The following AKAP13 variants were observed in gnomAD, a reference collection of about 807,000 sequenced individuals.
AKAP13 encodes the protein A-kinase anchoring protein 13.
A neutral mutation model predicts 264.5 loss-of-function variants in AKAP13; 80 were observed. That is an observed-to-expected ratio of 0.30 (90% CI 0.25 to 0.36). The LOEUF (loss-of-function observed/expected upper bound fraction) is 0.36. Among genes scored for constraint, AKAP13 ranks in the 10% least tolerant of loss-of-function variants. The probability of loss-of-function intolerance (pLI) is 1.00; values close to 1 mark genes in which losing one functional copy is unlikely to be tolerated. For synonymous variants in AKAP13, 1,380 were observed against 1,250.2 expected, an observed-to-expected ratio of 1.10 and a Z score of -2.19; for missense variants, 3,712 against 3,435.2, an observed-to-expected ratio of 1.08 and a Z score of -2.01.
intron 2 of AKAP13, among the ~76,000 whole-genome samples, chr15:85,493,088 AG>A (rs2075777460): frequency 6.6e-6 from 1 of 152,226 alleles, no homozygotes; most frequent in Non-Finnish European, 1.5e-5. Flanking sequence ...TATAGGCGAA[AG>A]GGCTAATGTC....
At chr15:85,392,343 C>T (rs183677525) in intron 1 of AKAP13, among the ~76,000 whole-genome samples, 111 of 148,280 alleles carry the variant, frequency 7.5e-4, no homozygotes, top group African/African-American at 2.7e-3. Context: ...CAACCTCTGC[C>T]TCCCAGGTTC....
chr15:85,460,924 C>G (rs1295925803), intron 1 of AKAP13, among the ~76,000 whole-genome samples: 1 of 150,500 alleles, frequency 6.6e-6, no homozygotes, highest in Non-Finnish European at 1.5e-5. Context: ...TCTCAGATTT[C>G]TAACCTACAG....
chr15:85,511,956 G>A (rs1194500860), intron 2 of AKAP13, among the ~76,000 whole-genome samples: 1 of 151,920 alleles, frequency 6.6e-6, no homozygotes, highest in African/African-American at 2.4e-5. Flanking sequence ...CTTAGGACGT[G>A]ACTGTGAGAG....
At chr15:85,668,643 AATTATTT>A (rs1357106212) in intron 13 of AKAP13, among the ~76,000 whole-genome samples, 1 of 152,186 alleles carries the variant, frequency 6.6e-6, no homozygotes, top group Non-Finnish European at 1.5e-5. Flanking sequence ...CTCAATTTCC[AATTATTT>A]AAAATCAGAG....
At chr15:85,661,251 A>G (rs1381741729) in intron 12 of AKAP13, among the ~76,000 whole-genome samples, 6 of 152,260 alleles carry the variant, frequency 3.9e-5, no homozygotes, top group Middle Eastern at 3.4e-3. Context: ...TTTACTTAGC[A>G]TTTCCAACCC....
chr15:85,633,806 A>G (rs577877359), intron 8 of AKAP13, among the ~76,000 whole-genome samples: 197 of 151,546 alleles, frequency 1.3e-3, no homozygotes, highest in African/African-American at 4.6e-3. Flanking sequence ...GGCCTCCCAA[A>G]GTGCTGGGAT....
intron 5 of AKAP13, among the ~76,000 whole-genome samples, chr15:85,572,084 A>T (rs2078837573): frequency 6.6e-6 from 1 of 152,218 alleles, no homozygotes. Context: ...TTTGAGAATT[A>T]AATTCTCAAA....
At chr15:85,405,576 C>A (rs567005882) in intron 1 of AKAP13, among the ~76,000 whole-genome samples, 1 of 152,148 alleles carries the variant, frequency 6.6e-6, no homozygotes, top group Admixed American at 6.5e-5. Context: ...TATTCACTAA[C>A]CTGTGAAGAT....
At chr15:85,630,234 A>AACACACACACAC (rs71141472) in intron 8 of AKAP13, among the ~76,000 whole-genome samples, 24,301 of 118,628 alleles carry the variant, frequency 0.2, 2,824 homozygotes, top group Middle Eastern at 0.27. Context: ...GGAAAATTGT[A>AACACACACACAC]ACACACACAC....
intron 5 of AKAP13, among the ~76,000 whole-genome samples, chr15:85,556,424 T>G (rs2078150546): frequency 6.6e-6 from 1 of 152,242 alleles, no homozygotes; most frequent in African/African-American, 2.4e-5. Flanking sequence ...ATAATCTTAC[T>G]GGACCATCAT....
At chr15:85,546,523 G>C (rs888387642) in intron 5 of AKAP13, among the ~76,000 whole-genome samples, 3 of 152,170 alleles carry the variant, frequency 2.0e-5, no homozygotes, top group African/African-American at 7.2e-5. Flanking sequence ...AAGGTGGTAT[G>C]ACCAGAAATA....
chr15:85,507,906 A>G (rs1304260536), intron 2 of AKAP13, among the ~76,000 whole-genome samples: 1 of 152,196 alleles, frequency 6.6e-6, no homozygotes, highest in Non-Finnish European at 1.5e-5. Flanking sequence ...TTCTTCTGAG[A>G]CTTGCCCATG....
intron 2 of AKAP13, among the ~76,000 whole-genome samples, chr15:85,502,683 C>G (rs957957571): frequency 2.0e-5 from 3 of 152,036 alleles, no homozygotes; most frequent in Admixed American, 6.6e-5. Flanking sequence ...CTTCTGATTA[C>G]TTTTGTGGTT....
At chr15:85,476,317 A>C (rs533727387) in intron 1 of AKAP13, among the ~76,000 whole-genome samples, 1 of 152,286 alleles carries the variant, frequency 6.6e-6, no homozygotes, top group South Asian at 2.1e-4. Flanking sequence ...CACCAATGAT[A>C]AATGGTATGT....
intron 20 of AKAP13, chr15:85,717,068 AAAAAGTC>A: frequency 2.2e-6 from 1 of 463,316 alleles, no homozygotes; most frequent in East Asian, 4.1e-5. Flanking sequence ...AAAAAGGCTC[AAAAAGTC>A]CTCAGAATTT....
At chr15:85,440,871 T>C (rs992329990) in intron 1 of AKAP13, among the ~76,000 whole-genome samples, 4 of 152,180 alleles carry the variant, frequency 2.6e-5, no homozygotes, top group Admixed American at 2.6e-4. Context: ...TGGTGGAAAT[T>C]TTTAAAAAAA....
At chr15:85,652,338 G>A (rs776541701) in intron 10 of AKAP13, among the ~76,000 whole-genome samples, 1 of 152,206 alleles carries the variant, frequency 6.6e-6, no homozygotes, top group Non-Finnish European at 1.5e-5. Context: ...AAGATTGGAT[G>A]CCAGAGTGAA....
At chr15:85,402,845 A>G (rs915580031) in intron 1 of AKAP13, among the ~76,000 whole-genome samples, 1 of 152,214 alleles carries the variant, frequency 6.6e-6, no homozygotes, top group African/African-American at 2.4e-5. Context: ...GATTGAAACT[A>G]GGATTGTGTT....
At chr15:85,465,812 T>TA (rs2074715968) in intron 1 of AKAP13, among the ~76,000 whole-genome samples, 1 of 150,594 alleles carries the variant, frequency 6.6e-6, no homozygotes, top group Admixed American at 6.6e-5. Flanking sequence ...GCAATAAACA[T>TA]ACGTGTGCAT....
Sources: allele counts gnomAD v4.1 joint callset (sites outside exome capture counted in the v4.1 genomes callset), GRCh38; gene constraint gnomAD v4.1.1; transcripts MANE v1.5; gene names NCBI Gene and HGNC (gene_info 2026-07-23, HGNC 2026-07-21).